Variants in UPF1 observed in about 807,000 individuals in gnomAD.
The protein encoded by UPF1 is UPF1 RNA helicase and ATPase.
Under a neutral mutation model 129.2 loss-of-function variants are expected in UPF1, and 9 were observed. That is an observed-to-expected ratio of 0.07 (90% CI 0.04 to 0.12). The LOEUF is 0.12. Among genes scored for constraint, UPF1 ranks in the 10% least tolerant of loss-of-function variants. The pLI, the probability that UPF1 is intolerant of heterozygous loss-of-function variation, is 1.00. For synonymous variants in UPF1, 649 were observed against 644.9 expected, an observed-to-expected ratio of 1.01 and a Z score of -0.10; for missense variants, 788 against 1,525.3, an observed-to-expected ratio of 0.52 and a Z score of 8.05.
chr19:18,839,258 A>G (rs570782446), intron 1 of UPF1, among the ~76,000 whole-genome samples: 2 of 151,834 alleles, frequency 1.3e-5, no homozygotes, highest in South Asian at 4.2e-4. Flanking sequence ...TGCCCAACTA[A>G]TTTTTTTGTA....
At chr19:18,840,045 T>G (rs2055525314) in intron 1 of UPF1, among the ~76,000 whole-genome samples, 1 of 151,686 alleles carries the variant, frequency 6.6e-6, no homozygotes, top group Admixed American at 6.6e-5. Flanking sequence ...CCTGGAGCCT[T>G]TAGGAGCTGC....
At position 18,865,676 on chromosome 19, in the gene UPF1, G is replaced by C; in HGVS notation, c.3135G>C (p.Ala1045=). ...LPNSQASQDV[A]SQPFSQGALT... ...ACAGCCAAGCCAGCCAGGATGTGGC[G>C]TCACAGCCCTTCTCTCAGGGCGCCC... Residue 1045 remains alanine (A), a synonymous_variant, in exon 22 of 24, where the codon GCG becomes GCC. Transcript: ENST00000262803. The surrounding 1 kb of genome is among the most constrained non-coding windows in gnomAD (Gnocchi z 6.1). 4 of 1,613,892 alleles carry C rather than the reference G, an allele frequency of 2.5e-6. No individual in the cohort carries two copies. The South Asian group carries it at 3.3e-5, about 13-fold the overall frequency.
chr19:18,853,429 TG>T lies in UPF1; in HGVS notation c.1156+80del. ...CATCAGGTGGAGGCCACTGTGGATT[TG>T]ATGCTCACTGCTGGGCCAGCATCTC... On this transcript the variant is annotated intron_variant, in intron 8 of 23. Transcript: ENST00000262803. The surrounding 1 kb of genome is among the most constrained non-coding windows in gnomAD (Gnocchi z 4.4). 5.9e-6 allele frequency: 8 copies of T among 1,349,708 alleles called. No individual in the cohort carries two copies. The South Asian group carries it at 1.1e-4, about 19-fold the overall frequency. The allele number at this position is 1,349,708 out of a possible 1,614,324, so 83.6% of individuals were successfully genotyped here. A position where few individuals can be genotyped will look rare whatever the true frequency, so the allele number is the denominator to read the frequency against.
Position 18,850,901 on chromosome 19 carries a change from C to G in UPF1, c.810+33C>G. 6.6e-7 allele frequency: 1 copy of G among 1,505,390 alleles called. No individual in the cohort carries two copies. Among genetic ancestry groups the G allele is most frequent in the Non-Finnish European group, 8.9e-7 (1 of 1,122,244 alleles). 93.3% of individuals were successfully genotyped at this position (1,505,390 alleles called of 1,614,324 possible). On this transcript the variant is annotated intron_variant, in intron 5 of 23. Coordinates refer to ENST00000262803, the MANE Select transcript of UPF1 (RefSeq NM_002911.4). The surrounding 1 kb of genome is among the most constrained non-coding windows in gnomAD (Gnocchi z 7.1). ...TGCCCAGCGGGCCGACCCGTGCCTT[C>G]GTGTGGTTTCTGGTTGCGGGGAGGG...
intron 13 of UPF1, 23 bp downstream of exon 13, chr19:18,856,323 A>C (rs749776110): frequency 7.4e-5 from 116 of 1,577,530 alleles, no homozygotes; most frequent in Admixed American, 8.6e-5. Flanking sequence ...CCTGCCTGCA[A>C]AAGGGCCTGT....
Position 18,850,651 on chromosome 19 carries a change from C to T in UPF1, c.630-37C>T, listed in dbSNP as rs149637563. 940 of 1,517,630 alleles carry T rather than the reference C, an allele frequency of 6.2e-4. No individual in the cohort carries two copies. Among genetic ancestry groups the T allele is most frequent in the Non-Finnish European group, 7.6e-4 (861 of 1,133,120 alleles). 94.0% of individuals were successfully genotyped at this position (1,517,630 alleles called of 1,614,324 possible). A position where few individuals can be genotyped will look rare whatever the true frequency, so the allele number is the denominator to read the frequency against. On this transcript the variant is annotated intron_variant, in intron 4 of 23. Transcript: ENST00000262803. This position sits in a 1 kb window ranked among gnomAD's most constrained non-coding sequence, Gnocchi z 7.1. ...CCTCCCTGCTCCGGGGCTTCAGGGA[C>T]GGGAGCTGGTCCTCACGGCCCCCTC...
intron 3 of UPF1, 190 bp from the exon 4 acceptor site, chr19:18,849,885 T>G: frequency 1.6e-6 from 1 of 633,826 alleles, no homozygotes; most frequent in Non-Finnish European, 2.7e-6. Flanking sequence ...CAAGTTGGGA[T>G]TGATTTTTGT....
Position 18,857,341 on chromosome 19 carries a change from T to C in UPF1, c.1990T>C (p.Cys664Arg). ...AKQLILVGDH[C>R]QLGPVVMCKK... ...ACAGCTGATCCTTGTAGGCGACCACTGCCAGCTGGGCCCAGTGGTGATGTG... is the reference window on the plus strand; with the variant it reads ...ACAGCTGATCCTTGTAGGCGACCACCGCCAGCTGGGCCCAGTGGTGATGTG... Residue 664 changes from cysteine to arginine, a missense_variant, in exon 15 of 24, where the codon TGC becomes CGC. Physicochemically the swap from Cys to Arg is radical, Grantham distance 180 (BLOSUM62 -3). Around this residue, in one of 6 missense-constraint regions of UPF1, gnomAD observed 140 missense variants for 385.9 expected, o/e 0.36. Coordinates refer to ENST00000262803, the MANE Select transcript of UPF1 (RefSeq NM_002911.4). 6.2e-7 allele frequency: 1 copy of C among 1,612,842 alleles called. No homozygotes were observed.
chr19:18,850,278 T>G lies in UPF1; in HGVS notation c.629+36T>G. 3 of 1,540,962 alleles carry G rather than the reference T, an allele frequency of 1.9e-6. No individual in the cohort carries two copies. In the East Asian group the frequency reaches 6.9e-5, roughly 35 times the overall value. ...CCCAGATGTCTCCTGGGGGTGACCTTTAAGCTCCAGCCGTCTCCTCACAAG... is the reference window on the plus strand; with the variant it reads ...CCCAGATGTCTCCTGGGGGTGACCTGTAAGCTCCAGCCGTCTCCTCACAAG... On this transcript the variant is annotated intron_variant, in intron 4 of 23. Transcript: ENST00000262803. The surrounding 1 kb of genome is among the most constrained non-coding windows in gnomAD (Gnocchi z 7.1).
intron 1 of UPF1, among the ~76,000 whole-genome samples, chr19:18,837,939 C>T (rs957399961): frequency 1.3e-5 from 2 of 152,232 alleles, no homozygotes; most frequent in African/African-American, 4.8e-5. Flanking sequence ...CCTCACTCTC[C>T]TCCTGCCAGA....
intron 1 of UPF1, among the ~76,000 whole-genome samples, chr19:18,842,651 G>T (rs1457674717): frequency 6.6e-6 from 1 of 152,050 alleles, no homozygotes; most frequent in Non-Finnish European, 1.5e-5. Flanking sequence ...TGAGGGTGTG[G>T]TGAACTTCCT....
intron 8 of UPF1, among the ~76,000 whole-genome samples, chr19:18,854,057 G>A (rs1307743017): frequency 6.6e-6 from 1 of 152,182 alleles, no homozygotes; most frequent in South Asian, 2.1e-4. Flanking sequence ...GCTCGGGGTC[G>A]AGGGAAGGGT....
chr19:18,865,908 G>T lies in UPF1; in HGVS notation c.3237+130G>T. On this transcript the variant is annotated intron_variant, in intron 22 of 23. Transcript: ENST00000262803. This position sits in a 1 kb window ranked among gnomAD's most constrained non-coding sequence, Gnocchi z 6.1. The stretch of plus-strand genomic sequence containing the variant: ...TGTCTGAATTACCTGTCCCTGGGCT[G>T]GGGTCATCAGAGTGGGTCTCCTGGG... The T allele has an allele frequency of 6.4e-7, 1 of 1,574,028 alleles. No individual in the cohort carries two copies.
In UPF1 at chr19:18,856,437, G is replaced by A. The variant is rs144932445; in HGVS notation, c.1824+137G>A. The A allele has an allele frequency of 1.5e-3, 1,241 of 814,276 alleles. 2 individuals are homozygous for A. Among genetic ancestry groups the A allele is most frequent in the Non-Finnish European group, 2.0e-3 (1,059 of 528,212 alleles). The allele number at this position is 814,276 out of a possible 1,614,324, so 50.4% of individuals were successfully genotyped here. ...GATGCTCTCTACTTGGCCTCTCTGCGCTCAGTTGTACAGTAAATTAGGGAC... is the reference window on the plus strand; with the variant it reads ...GATGCTCTCTACTTGGCCTCTCTGCACTCAGTTGTACAGTAAATTAGGGAC... On this transcript the variant is annotated intron_variant, in intron 13 of 23. Transcript: ENST00000262803.
Position 18,862,111 on chromosome 19 carries a change from A to G in UPF1, c.2559A>G (p.Leu853=), listed in dbSNP as rs74716467. 6.6e-4 allele frequency: 1,068 copies of G among 1,614,036 alleles called. 1 individual carries two copies. The highest frequency in any genetic ancestry group is 8.7e-4 in the Non-Finnish European group (1,023 of 1,180,028). ...RANEHQGIGF[L]NDPRRLNVAL... ...ACGAGCACCAAGGCATTGGCTTTTTAAATGACCCCAGGCGTCTGAACGTGG... is the reference window on the plus strand; with the variant it reads ...ACGAGCACCAAGGCATTGGCTTTTTGAATGACCCCAGGCGTCTGAACGTGG... The change falls in exon 18 of 24, where the codon TTA becomes TTG. Residue 853 remains leucine, a synonymous_variant. Transcript: ENST00000262803.
intron 14 of UPF1, 109 bp from the exon 15 acceptor site, chr19:18,857,211 T>C (rs1157248825): frequency 1.4e-6 from 2 of 1,465,200 alleles, no homozygotes; most frequent in Non-Finnish European, 1.8e-6. Context: ...AATGCCCCTG[T>C]GGCCAGGTGG....
chr19:18,846,112 G>A lies in UPF1; in HGVS notation c.364G>A (p.Ala122Thr), dbSNP rs1196297233. Residue 122 changes from alanine (A) to threonine (T), a missense_variant, in exon 2 of 24, where the codon GCC (alanine) becomes ACC (threonine). Transcript: ENST00000262803. The part of the protein sequence containing the change: ...TYYTKDLPIH[A>T]CSYCGIHDPA... The stretch of plus-strand genomic sequence containing the variant: ...TTACACGAAGGACCTCCCCATACAC[G>A]CCTGCAGGTGAGCTGAGCTCAGCTG... 1 of 1,613,994 alleles carries A rather than the reference G, an allele frequency of 6.2e-7. No individual in the cohort carries two copies. The highest frequency in any genetic ancestry group is 8.5e-7 in the Non-Finnish European group (1 of 1,180,002).
chr19:18,859,352 C>CAT (rs1424866775), intron 15 of UPF1: 1 of 152,240 alleles, frequency 6.6e-6, no homozygotes, highest in East Asian at 1.9e-4. Context: ...GGCCACATTA[C>CAT]AAGTGTCTGG....
Position 18,866,528 on chromosome 19 carries a change from C to T in UPF1, c.*11C>T, listed in dbSNP as rs1187449299. On this transcript the variant is annotated 3_prime_UTR_variant, in exon 24 of 24. Coordinates refer to ENST00000262803, the MANE Select transcript of UPF1 (RefSeq NM_002911.4). Reference sequence around the variant, plus strand: ...CCTTCTCCCTCCTGACAGGTGGCGGCGGAAGAGCTAAGCAACGTGGCTTAG... The same window carrying T: ...CCTTCTCCCTCCTGACAGGTGGCGGTGGAAGAGCTAAGCAACGTGGCTTAG... 1.8e-5 allele frequency: 4 copies of T among 225,918 alleles called. No individual in the cohort carries two copies. Among genetic ancestry groups the T allele is most frequent in the South Asian group, 1.1e-4 (1 of 9,130 alleles). The allele number at this position is 225,918 out of a possible 1,614,324, so 14.0% of individuals were successfully genotyped here.
Sources: gnomAD v4.1 joint callset for allele counts (sites outside exome capture counted in the v4.1 genomes callset) on GRCh38, gnomAD v4.1.1 for gene constraint, gnomAD v4.1.1 regional missense constraint, Gnocchi (gnomAD v3.1) non-coding constraint, MANE v1.5 for transcripts, NCBI Gene and HGNC (gene_info 2026-07-23, HGNC 2026-07-21) for gene names.